Variants in PRKG1 observed in about 807,000 individuals in gnomAD.
The protein encoded by PRKG1 is cGMP-dependent protein kinase 1.
In PRKG1, 35 loss-of-function variants were observed where a neutral mutation model predicts 88.1. That is an observed-to-expected ratio of 0.40 (90% CI 0.30 to 0.53). PRKG1 has a LOEUF of 0.53. Ranked by LOEUF, PRKG1 falls within the 20% of genes least tolerant of loss-of-function variation. PRKG1 has a pLI of 0.59. For missense variants in PRKG1, 540 were observed against 839.8 expected (o/e 0.64, Z 4.41); for synonymous variants, 303 against 292.5 (o/e 1.04, Z -0.37).
intron 1 of PRKG1, among the ~76,000 whole-genome samples, chr10:51,082,286 A>G (rs1266952096): frequency 2.6e-5 from 4 of 152,154 alleles, no homozygotes; most frequent in Non-Finnish European, 4.4e-5. Context: ...GGAAAACTTT[A>G]TGAATAACAT....
intron 2 of PRKG1, among the ~76,000 whole-genome samples, chr10:51,238,232 C>G (rs1162826420): frequency 2.0e-5 from 3 of 152,070 alleles, no homozygotes; most frequent in African/African-American, 7.2e-5. Flanking sequence ...TGTTGGTGGG[C>G]ATCGAACTTT....
intron 2 of PRKG1, among the ~76,000 whole-genome samples, chr10:51,246,367 A>G (rs145324170): frequency 2.0e-5 from 3 of 152,172 alleles, no homozygotes; most frequent in African/African-American, 7.2e-5. Flanking sequence ...CAGCATAGAT[A>G]GAGAGATAGC....
At chr10:51,422,302 G>A (rs1838439569) in intron 2 of PRKG1, among the ~76,000 whole-genome samples, 1 of 152,214 alleles carries the variant, frequency 6.6e-6, no homozygotes, top group Non-Finnish European at 1.5e-5. Flanking sequence ...ATGGCACTGT[G>A]AGGTTTCTGT....
At chr10:51,646,308 T>C (rs918558828) in intron 3 of PRKG1, among the ~76,000 whole-genome samples, 12 of 152,224 alleles carry the variant, frequency 7.9e-5, no homozygotes, top group Admixed American at 7.2e-4. Flanking sequence ...CCTCTGAGGG[T>C]TGTTGTGAGG....
chr10:51,731,421 G>T (rs77944768), intron 3 of PRKG1, among the ~76,000 whole-genome samples: 2,333 of 152,136 alleles, frequency 0.015, 70 homozygotes, highest in African/African-American at 0.053. Context: ...CCCACCCTTG[G>T]TATTTCTGCT....
In PRKG1 at chr10:51,907,621, G is replaced by A. The variant is rs912057356; in HGVS notation, c.762+51G>A. On this transcript the variant is annotated intron_variant, in intron 5 of 17. Transcript: ENST00000373980. The stretch of plus-strand genomic sequence containing the variant: ...TTTGAGATGGGATCCAGCCTGCTTG[G>A]CTGGCTTCTTTCACAGCTGTGTGAT... The A allele has an allele frequency of 5.3e-6, 8 of 1,515,584 alleles. No homozygotes were observed. In the African/African-American group the frequency reaches 5.5e-5, roughly 10 times the overall value. 93.9% of individuals were successfully genotyped at this position (1,515,584 alleles called of 1,614,324 possible).
intron 5 of PRKG1, among the ~76,000 whole-genome samples, chr10:52,038,616 A>G (rs995560538): frequency 5.3e-5 from 8 of 152,070 alleles, no homozygotes; most frequent in African/African-American, 1.4e-4. Context: ...GGGTAGAGAC[A>G]AGGAGAGAAG....
At chr10:52,147,353 A>G (rs2132660577) in intron 8 of PRKG1, among the ~76,000 whole-genome samples, 1 of 152,296 alleles carries the variant, frequency 6.6e-6, no homozygotes, top group Non-Finnish European at 1.5e-5. Context: ...TAATTTATAA[A>G]TTTTCTCAGC....
chr10:52,128,893 A>C (rs1016867734), intron 7 of PRKG1, among the ~76,000 whole-genome samples: 2 of 152,222 alleles, frequency 1.3e-5, no homozygotes, highest in African/African-American at 4.8e-5. Flanking sequence ...CTAGATATAC[A>C]TTTATTTATT....
intron 9 of PRKG1, among the ~76,000 whole-genome samples, chr10:52,180,926 G>C (rs994390162): frequency 1.3e-5 from 2 of 152,144 alleles, no homozygotes; most frequent in African/African-American, 4.8e-5. Flanking sequence ...GTACATGGCT[G>C]CCTGGCTTCT....
intron 2 of PRKG1, among the ~76,000 whole-genome samples, chr10:51,408,699 G>A (rs1837992644): frequency 4.6e-5 from 7 of 152,220 alleles, no homozygotes; most frequent in Admixed American, 3.3e-4. Context: ...GGAAGTCCGT[G>A]TTGATGAATC....
At chr10:51,595,254 G>A (rs1838414602) in intron 3 of PRKG1, among the ~76,000 whole-genome samples, 1 of 152,082 alleles carries the variant, frequency 6.6e-6, no homozygotes, top group South Asian at 2.1e-4. Flanking sequence ...AGGCTGAGGT[G>A]GAAGGATCTC....
At chr10:52,055,913 A>G (rs1846100137) in intron 6 of PRKG1, among the ~76,000 whole-genome samples, 1 of 152,216 alleles carries the variant, frequency 6.6e-6, no homozygotes, top group South Asian at 2.1e-4. Context: ...TTGTTGAATC[A>G]CAATTTAGGT....
intron 3 of PRKG1, among the ~76,000 whole-genome samples, chr10:51,478,360 T>G (rs553645764): frequency 6.6e-6 from 1 of 152,232 alleles, no homozygotes; most frequent in South Asian, 2.1e-4. Flanking sequence ...AGGAAGAATC[T>G]GAATCTATAA....
intron 3 of PRKG1, among the ~76,000 whole-genome samples, chr10:51,542,262 G>T (rs77912167): frequency 0.017 from 2,514 of 152,236 alleles, 26 homozygotes; most frequent in Non-Finnish European, 0.022. Context: ...TGGAGGGTCT[G>T]CACCAGAAAA....
chr10:51,294,926 TA>T (rs1351793950), intron 2 of PRKG1, among the ~76,000 whole-genome samples: 1 of 151,926 alleles, frequency 6.6e-6, no homozygotes, highest in Non-Finnish European at 1.5e-5. Flanking sequence ...ATTTGAAACA[TA>T]AAAAAATTTC....
intron 2 of PRKG1, among the ~76,000 whole-genome samples, chr10:51,303,801 C>CTA (rs200654616): frequency 9.2e-5 from 14 of 151,526 alleles, no homozygotes; most frequent in East Asian, 1.9e-4. Flanking sequence ...AAAACTATAT[C>CTA]TATATATATA....
chr10:51,022,996 T>C (rs1811540727), intron 1 of PRKG1, among the ~76,000 whole-genome samples: 1 of 152,130 alleles, frequency 6.6e-6, no homozygotes, highest in Admixed American at 6.5e-5. Context: ...AAGCTCCGTC[T>C]CAGAAACAAA....
Position 51,866,743 on chromosome 10 carries a change from A to G in PRKG1, c.699-40764A>G, listed in dbSNP as rs560939571. On this transcript the variant is annotated intron_variant, in intron 4 of 17. Coordinates refer to ENST00000373980, the MANE Select transcript of PRKG1 (RefSeq NM_006258.4). The stretch of plus-strand genomic sequence containing the variant: ...TACCACAAATTCTGTTTATTCTTCA[A>G]AGAACTTGGTGTCAGTTCAGGCAAG... Among the ~76,000 whole-genome samples, 6 of 152,288 alleles carry G rather than the reference A, an allele frequency of 3.9e-5. No individual in the cohort carries two copies. The South Asian group carries it at 8.3e-4, about 21-fold the overall frequency.
Sources: allele counts gnomAD v4.1 joint callset (sites outside exome capture counted in the v4.1 genomes callset), GRCh38; gene constraint gnomAD v4.1.1; transcripts MANE v1.5; gene names NCBI Gene and HGNC (gene_info 2026-07-23, HGNC 2026-07-21).